AXDND1: variants seen among roughly 807,000 people sequenced by gnomAD.
AXDND1 encodes the protein axonemal dynein light chain domain containing 1.
Under a neutral mutation model 137.5 loss-of-function variants are expected in AXDND1, and 110 were observed. The observed-to-expected ratio is 0.80, with a 90% CI of 0.69 to 0.94. The LOEUF is 0.94. AXDND1 is among the 40% of genes least tolerant of loss of function. The probability of loss-of-function intolerance (pLI) is 0.00; values close to 1 mark genes in which losing one functional copy is unlikely to be tolerated. For synonymous variants in AXDND1, 414 were observed against 399.7 expected (o/e 1.04, Z -0.43); for missense variants, 1,191 against 1,169.8 (o/e 1.02, Z -0.26).
chr1:179,421,034 T>C lies in AXDND1; in HGVS notation c.1231-8484T>C, dbSNP rs983994813. On this transcript the variant is annotated intron_variant, in intron 12 of 25. Transcript: ENST00000367618. ...TTTCGTTTCTTATTCTATTTGGGTA[T>C]CCCTTCCTTCCTTCCTTCCTTCCTT... Among the ~76,000 whole-genome samples, 8 of 140,850 alleles carry C rather than the reference T, an allele frequency of 5.7e-5. No homozygotes were observed. The East Asian group carries it at 1.7e-3, about 30-fold the overall frequency. The allele number at this position is 140,850 out of a possible 152,430, so 92.4% of individuals were successfully genotyped here. A position where few individuals can be genotyped will look rare whatever the true frequency, so the allele number is the denominator to read the frequency against.
At chr1:179,474,406 A>G (rs1432904988) in intron 17 of AXDND1, among the ~76,000 whole-genome samples, 1 of 152,178 alleles carries the variant, frequency 6.6e-6, no homozygotes, top group East Asian at 1.9e-4. Flanking sequence ...GAAGACAGAA[A>G]GATGTGGGAA....
chr1:179,393,120 A>G (rs926516851), intron 9 of AXDND1, among the ~76,000 whole-genome samples: 6 of 152,018 alleles, frequency 3.9e-5, no homozygotes, highest in South Asian at 2.1e-4. Flanking sequence ...TAAGTCTTTG[A>G]TCCATCTTGA....
intron 10 of AXDND1, among the ~76,000 whole-genome samples, chr1:179,394,614 C>T (rs1262782814): frequency 1.1e-5 from 1 of 90,606 alleles, no homozygotes; most frequent in Non-Finnish European, 2.6e-5. Context: ...AAATAAAATA[C>T]AGATGTTTAC....
chr1:179,369,156 C>T (rs1667771551), intron 3 of AXDND1, among the ~76,000 whole-genome samples, 184 bp downstream of exon 3: 1 of 152,184 alleles, frequency 6.6e-6, no homozygotes, highest in South Asian at 2.1e-4. Flanking sequence ...TTGCTCACTG[C>T]AGCCTCGACT....
At chr1:179,444,431 G>A (rs1659444208) in intron 15 of AXDND1, among the ~76,000 whole-genome samples, 1 of 151,966 alleles carries the variant, frequency 6.6e-6, no homozygotes, top group African/African-American at 2.4e-5. Flanking sequence ...ATTGAAGGCT[G>A]GGTAATGTTC....
chr1:179,387,806 T>C (rs895683038), intron 9 of AXDND1, among the ~76,000 whole-genome samples: 1 of 152,230 alleles, frequency 6.6e-6, no homozygotes, highest in African/African-American at 2.4e-5. Context: ...TGGTTGGTAC[T>C]GGTACTACTT....
At chr1:179,463,438 T>A (rs892513818) in intron 16 of AXDND1, among the ~76,000 whole-genome samples, 7 of 152,156 alleles carry the variant, frequency 4.6e-5, no homozygotes, top group Non-Finnish European at 1.0e-4. Context: ...TTTGAGTGAG[T>A]TTCTTAATCC....
At chr1:179,537,520 G>C (rs552815328) in intron 25 of AXDND1, among the ~76,000 whole-genome samples, 4 of 152,200 alleles carry the variant, frequency 2.6e-5, no homozygotes, top group Non-Finnish European at 5.9e-5. Context: ...TGCTGAACCA[G>C]CCTTGCATCC....
intron 17 of AXDND1, among the ~76,000 whole-genome samples, chr1:179,477,962 A>C (rs564472050): frequency 2.0e-5 from 3 of 152,276 alleles, no homozygotes; most frequent in African/African-American, 7.2e-5. Context: ...TGCAAATTCA[A>C]AATCCGGCAG....
chr1:179,535,870 T>A (rs1005413372), intron 25 of AXDND1, among the ~76,000 whole-genome samples: 2 of 152,168 alleles, frequency 1.3e-5, no homozygotes, highest in Non-Finnish European at 2.9e-5. Flanking sequence ...TTTCTCCACA[T>A]CCTCTCCAGC....
intron 12 of AXDND1, among the ~76,000 whole-genome samples, chr1:179,418,211 C>T (rs1655011641): frequency 6.6e-6 from 1 of 151,984 alleles, no homozygotes; most frequent in African/African-American, 2.4e-5. Flanking sequence ...ATGCTGCCTT[C>T]AAGCATCTGT....
intron 20 of AXDND1, among the ~76,000 whole-genome samples, chr1:179,508,701 A>G (rs1329543893): frequency 1.3e-5 from 2 of 149,358 alleles, no homozygotes; most frequent in Non-Finnish European, 3.0e-5. Flanking sequence ...TCACTTTATT[A>G]GCAGTAGAGG....
intron 22 of AXDND1, among the ~76,000 whole-genome samples, chr1:179,527,672 C>T (rs1670661784): frequency 6.6e-6 from 1 of 152,138 alleles, no homozygotes; most frequent in Non-Finnish European, 1.5e-5. Context: ...TCTCCTCTTG[C>T]TTTCTGAGGA....
rs1671261898 is a variant in AXDND1, at chr1:179,533,833, TC to T, written c.2755del (p.Glu920LysfsTer5). 1 of 1,613,378 alleles carries T rather than the reference TC, an allele frequency of 6.2e-7. No homozygotes were observed. Among genetic ancestry groups the T allele is most frequent in the East Asian group, 2.2e-5 (1 of 44,842 alleles). On this transcript the variant is annotated frameshift_variant, in exon 24 of 26. Coordinates refer to ENST00000367618, the MANE Select transcript of AXDND1 (RefSeq NM_144696.6). LOFTEE classifies it high-confidence loss of function. The stretch of plus-strand genomic sequence containing the variant: ...AGCAAGGTACATTGGCCCAAAAATA[TC>T]TTGAAGCAATGGCTGTAATTGAACA... ...AKQGTLAQKY[L>X]EAMAVIEHMQ...
At chr1:179,471,926 G>A (rs537431985) in intron 17 of AXDND1, among the ~76,000 whole-genome samples, 9 of 149,336 alleles carry the variant, frequency 6.0e-5, no homozygotes, top group African/African-American at 9.9e-5. Flanking sequence ...ATGGAGTCTC[G>A]CTCTGCCACC....
chr1:179,525,340 G>A lies in AXDND1; in HGVS notation c.2503G>A (p.Val835Ile), dbSNP rs1057053056. The A allele has an allele frequency of 1.2e-6, 2 of 1,609,914 alleles. No homozygotes were observed. The highest frequency in any genetic ancestry group is 2.2e-5 in the East Asian group (1 of 44,732). Residue 835 changes from valine (V) to isoleucine (I), a missense_variant, in exon 22 of 26, where the codon GTA becomes ATA. By Grantham distance (29) the Val-to-Ile change is conservative (BLOSUM62 3). Transcript: ENST00000367618. Reference protein sequence around the residue: ...EIERLLEEEAVKEFIEPEIDE... With the variant: ...EIERLLEEEAIKEFIEPEIDE... Reference sequence around the variant, plus strand: ...ATATTGGTTCATCTCACAGGAGGCTGTAAAAGAATTCATTGAGCCTGAAAT... The same window carrying A: ...ATATTGGTTCATCTCACAGGAGGCTATAAAAGAATTCATTGAGCCTGAAAT...
In AXDND1 at chr1:179,541,505, A is replaced by G. The variant is rs57917402; in HGVS notation, c.3031+6543A>G. On this transcript the variant is annotated intron_variant, in intron 25 of 25. Transcript: ENST00000367618. ...TTTTTTTTTTTTTTTTAATAAAAGA[A>G]CACAATGCTGATTAGAAGTAGCAGC... is the stretch of plus-strand genomic sequence containing the variant. 5.6e-3 allele frequency among the ~76,000 whole-genome samples: 848 copies of G among 151,954 alleles called. 8 individuals carry two copies. Among genetic ancestry groups the G allele is most frequent in the African/African-American group, 0.02 (815 of 41,460 alleles).
intron 25 of AXDND1, among the ~76,000 whole-genome samples, chr1:179,546,694 G>C (rs1433686032): frequency 6.6e-6 from 1 of 152,170 alleles, no homozygotes; most frequent in Non-Finnish European, 1.5e-5. Flanking sequence ...AATCTCAGTG[G>C]CGACAGGTTC....
Position 179,445,046 on chromosome 1 carries a change from A to C in AXDND1, c.1640A>C (p.His547Pro). 4 of 1,613,540 alleles carry C rather than the reference A, an allele frequency of 2.5e-6. No individual in the cohort carries two copies. The highest frequency in any genetic ancestry group is 3.4e-6 in the Non-Finnish European group (4 of 1,179,534). The change falls in exon 16 of 26, where the codon CAT becomes CCT. Residue 547 changes from histidine (H) to proline (P), a missense_variant. By Grantham distance (77) the His-to-Pro change is moderately conservative. Coordinates refer to ENST00000367618, the MANE Select transcript of AXDND1 (RefSeq NM_144696.6). ...SKYDTLKIIK[H>P]LQENWADIGL... ...TACGATACTCTCAAGATTATTAAAC[A>C]TTTACAGGAAAACTGGGCAGATATT... is the stretch of plus-strand genomic sequence containing the variant.
Sources: gnomAD v4.1 joint callset for allele counts (sites outside exome capture counted in the v4.1 genomes callset) on GRCh38, gnomAD v4.1.1 for gene constraint, MANE v1.5 for transcripts, NCBI Gene and HGNC (gene_info 2026-07-23, HGNC 2026-07-21) for gene names.